DNAH8: variants seen among roughly 807,000 people sequenced by gnomAD.
DNAH8 encodes the protein dynein axonemal heavy chain 8, also known as axonemal beta dynein heavy chain 8.
Under a neutral mutation model 562.1 loss-of-function variants are expected in DNAH8, and 382 were observed. The observed-to-expected ratio is 0.68, with a 90% confidence interval of 0.63 to 0.74. The LOEUF (loss-of-function observed/expected upper bound fraction) is 0.74. Ranked by LOEUF, DNAH8 falls within the 30% of genes least tolerant of loss-of-function variation. DNAH8 has a pLI of 0.00. For synonymous variants in DNAH8, 1,881 were observed against 1,919.4 expected (o/e 0.98, Z 0.52); for missense variants, 5,203 against 5,620.4 (o/e 0.93, Z 2.37).
chr6:38,760,093 A>G (rs1766343382), intron 10 of DNAH8, among the ~76,000 whole-genome samples: 1 of 152,186 alleles, frequency 6.6e-6, no homozygotes, highest in Non-Finnish European at 1.5e-5. Flanking sequence ...AAGTATTGCT[A>G]ATTTATTTAT....
At chr6:38,958,073 C>T (rs1762368488) in intron 82 of DNAH8, among the ~76,000 whole-genome samples, 1 of 144,280 alleles carries the variant, frequency 6.9e-6, no homozygotes, top group South Asian at 2.2e-4. Context: ...GAGATCTCGG[C>T]TCACTGCAAG....
chr6:38,738,105 C>A, intron 7 of DNAH8, 133 bp downstream of exon 7: 2 of 839,992 alleles, frequency 2.4e-6, no homozygotes, highest in Non-Finnish European at 3.5e-6. Flanking sequence ...TGAAACTCAG[C>A]CAATTTTTGG....
intron 87 of DNAH8, 30 bp downstream of exon 87, chr6:38,984,337 A>T: frequency 9.7e-6 from 14 of 1,446,568 alleles, no homozygotes; most frequent in Non-Finnish European, 1.4e-5. Context: ...TAAAGTTTGG[A>T]GACACATTTC....
chr6:38,945,551 T>C lies in DNAH8; in HGVS notation c.12092T>C (p.Leu4031Pro). The part of the protein sequence containing the change: ...LDMTWLNLVE[L>P]SKLPQFAEIM... ...ATGACTTGGCTGAATCTTGTGGAGC[T>C]GAGTAAACTTCCACAATTTGCAGAA... The change falls in exon 80 of 93, where the codon CTG becomes CCG. Residue 4031 changes from leucine (L) to proline (P), a missense_variant. Leu to Pro is a moderately conservative substitution (Grantham distance 98). Transcript: ENST00000327475. The C allele has an allele frequency of 3.1e-6, 5 of 1,614,170 alleles. No homozygotes were observed. The highest frequency in any genetic ancestry group is 4.2e-6 in the Non-Finnish European group (5 of 1,180,014).
intron 35 of DNAH8, among the ~76,000 whole-genome samples, chr6:38,843,964 T>G (rs1775059690): frequency 6.6e-6 from 1 of 152,152 alleles, no homozygotes; most frequent in African/African-American, 2.4e-5. Flanking sequence ...CTTCCTCTAC[T>G]GTGCTGTGGT....
Position 39,030,161 on chromosome 6 carries a change from T to G in DNAH8, c.13893T>G (p.Asn4631Lys), listed in dbSNP as rs779574046. The G allele has an allele frequency of 4.3e-6, 7 of 1,614,078 alleles. No individual in the cohort carries two copies. The highest frequency in any genetic ancestry group is 5.9e-6 in the Non-Finnish European group (7 of 1,180,004). The change falls in exon 93 of 93, where the codon AAT (asparagine) becomes AAG (lysine). Residue 4631 changes from asparagine (N) to lysine (K), a missense_variant. By Grantham distance (94) the Asn-to-Lys change is moderately conservative. Transcript: ENST00000327475. ...ATGGAGCAGCCTGGGACAGACGGAA[T>G]GGGAAGCTCATGGAATCCACCCCCA... Reference protein sequence around the residue: ...YMDGAAWDRRNGKLMESTPKV... With the variant: ...YMDGAAWDRRKGKLMESTPKV...
intron 91 of DNAH8, among the ~76,000 whole-genome samples, chr6:39,017,784 A>G (rs1766658007): frequency 6.6e-6 from 1 of 152,084 alleles, no homozygotes; most frequent in African/African-American, 2.4e-5. Context: ...TTGTTCTGTT[A>G]TCTTGCATTC....
chr6:38,934,628 T>C (rs999107153), intron 76 of DNAH8, among the ~76,000 whole-genome samples: 15 of 152,218 alleles, frequency 9.9e-5, no homozygotes, highest in Non-Finnish European at 1.5e-4. Context: ...AGGAATATTA[T>C]TGAGATTATT....
Position 38,930,523 on chromosome 6 carries a change from T to C in DNAH8, c.11274+857T>C, listed in dbSNP as rs145759230. Among the ~76,000 whole-genome samples, 8 of 152,314 alleles carry C rather than the reference T, an allele frequency of 5.3e-5. No individual in the cohort carries two copies. The East Asian group carries it at 1.5e-3, about 29-fold the overall frequency. ...GCAAAGGTTTATGGAGCATCCAATA[T>C]ATACTTAAGCCTTTATGAGTTTATA... On this transcript the variant is annotated intron_variant, in intron 75 of 92. Coordinates refer to ENST00000327475, the MANE Select transcript of DNAH8 (RefSeq NM_001206927.2).
chr6:38,985,845 C>A (rs574073537), intron 87 of DNAH8, among the ~76,000 whole-genome samples: 1 of 152,340 alleles, frequency 6.6e-6, no homozygotes, highest in African/African-American at 2.4e-5. Flanking sequence ...CAGCTGCCTC[C>A]TGCTAGGGCA....
chr6:38,932,856 C>G (rs887659160), intron 76 of DNAH8: 1 of 152,262 alleles, frequency 6.6e-6, no homozygotes, highest in East Asian at 1.9e-4. Flanking sequence ...GAAGTAGACT[C>G]AGTGAAAGGC....
intron 9 of DNAH8, among the ~76,000 whole-genome samples, chr6:38,754,206 C>G (rs1765715142): frequency 6.6e-6 from 1 of 152,208 alleles, no homozygotes; most frequent in Middle Eastern, 3.4e-3. Context: ...ACTCAAGGAG[C>G]TACTATTGTA....
intron 30 of DNAH8, among the ~76,000 whole-genome samples, chr6:38,830,552 G>A (rs1159984773): frequency 4.7e-5 from 7 of 149,170 alleles, no homozygotes; most frequent in Admixed American, 2.0e-4. Flanking sequence ...GGAGAAAGAC[G>A]TGAACCCAGG....
At chr6:38,770,308 T>C in intron 11 of DNAH8, 105 bp from the exon 12 acceptor site, 1 of 624,118 alleles carries the variant, frequency 1.6e-6, no homozygotes, top group Non-Finnish European at 2.6e-6. Flanking sequence ...ACTATACAGA[T>C]TTTCACAGTT....
At chr6:38,850,112 A>AG in intron 37 of DNAH8, 139 bp from the exon 38 acceptor site, 1 of 742,068 alleles carries the variant, frequency 1.3e-6, no homozygotes, top group Non-Finnish European at 2.1e-6. Context: ...TCAAATGAAA[A>AG]AAAATTGTCT....
At position 38,998,816 on chromosome 6, in the gene DNAH8, A is replaced by G. The variant is rs537086719; in HGVS notation, c.13214+8644A>G. ...AATTTTCTTCAAGAAATAACTTAGAACCAACCCTCAAGGAATATTATAGCT... is the reference window on the plus strand; with the variant it reads ...AATTTTCTTCAAGAAATAACTTAGAGCCAACCCTCAAGGAATATTATAGCT... On this transcript the variant is annotated intron_variant, in intron 88 of 92. Transcript: ENST00000327475. Among the ~76,000 whole-genome samples, 4 of 152,324 alleles carry G rather than the reference A, an allele frequency of 2.6e-5. No homozygotes were observed. The South Asian group carries it at 8.3e-4, about 32-fold the overall frequency.
chr6:38,772,970 A>ATTTTTTTTTT (rs1491433852), intron 12 of DNAH8, among the ~76,000 whole-genome samples: 1 of 65,456 alleles, frequency 1.5e-5, no homozygotes, highest in African/African-American at 7.0e-5. Flanking sequence ...AGCTAATTAA[A>ATTTTTTTTTT]CTTTTTTTTT....
At position 38,761,792 on chromosome 6, in the gene DNAH8, A is replaced by C; in HGVS notation, c.1606A>C (p.Lys536Gln). 1 of 1,548,850 alleles carries C rather than the reference A, an allele frequency of 6.5e-7. No individual in the cohort carries two copies. The highest frequency in any genetic ancestry group is 8.7e-7 in the Non-Finnish European group (1 of 1,149,690). Residue 536 changes from lysine (K) to glutamine (Q), a missense_variant, in exon 11 of 93, where the codon AAG becomes CAG. Around this residue, in one of 6 missense-constraint regions of DNAH8, gnomAD observed 2,176 missense variants for 2,365.1 expected, o/e 0.92. Transcript: ENST00000327475. ...VWDQETPVVL[K>Q]KIQDCIFLFK... is the part of the protein sequence containing the mutation. The stretch of plus-strand genomic sequence containing the variant: ...GGATCAGGAAACGCCAGTTGTACTA[A>C]AGAAAATTCAGGTTTGTAGAAGTAC...
At chr6:38,729,812 T>G in intron 3 of DNAH8, 90 bp from the exon 4 acceptor site, 1 of 707,038 alleles carries the variant, frequency 1.4e-6, no homozygotes, top group Non-Finnish European at 2.4e-6. Flanking sequence ...TACCTTTGAA[T>G]AAACTCTTTG....
Sources: gnomAD v4.1 joint callset for allele counts (sites outside exome capture counted in the v4.1 genomes callset) on GRCh38, gnomAD v4.1.1 for gene constraint, gnomAD v4.1.1 regional missense constraint, MANE v1.5 for transcripts, NCBI Gene and HGNC (gene_info 2026-07-23, HGNC 2026-07-21) for gene names.